LTAP1: variants seen among roughly 807,000 people sequenced by gnomAD.
LTAP1 encodes HCV NS5A-transactivated protein 4.
At chr1:154,209,412 T>C in the LTAP1 span, among the ~76,000 whole-genome samples, 4,443 of 147,534 alleles carry the variant, frequency 0.03, 222 homozygotes, top group African/African-American at 0.1. Context: ...TTTTCATCAG[T>C]GCTCTAAGCA....
the LTAP1 span, chr1:154,220,426 A>C: frequency 6.2e-7 from 1 of 1,614,180 alleles, no homozygotes; most frequent in Admixed American, 1.7e-5. Flanking sequence ...TACCTCGCGC[A>C]GAATTGTTCG....
chr1:154,217,075 T>C, the LTAP1 span, among the ~76,000 whole-genome samples: 1 of 151,508 alleles, frequency 6.6e-6, no homozygotes, highest in Non-Finnish European at 1.5e-5. Flanking sequence ...GCCTCCTGAG[T>C]AGCTGGGATT....
At chr1:154,217,201 A>C in the LTAP1 span, among the ~76,000 whole-genome samples, 1 of 147,974 alleles carries the variant, frequency 6.8e-6, no homozygotes. Context: ...CACCTGCCTC[A>C]GCCTCCCAAA....
At chr1:154,219,865 G>A in the LTAP1 span, 4 of 1,613,626 alleles carry the variant, frequency 2.5e-6, no homozygotes, top group Non-Finnish European at 3.4e-6. Context: ...ACAGGGACAT[G>A]AGGTCCCCTT....
At chr1:154,214,538 C>A in the LTAP1 span, 1 of 1,613,816 alleles carries the variant, frequency 6.2e-7, no homozygotes, top group Non-Finnish European at 8.5e-7. Context: ...ATATCCTGAA[C>A]CCTGGAGAGT....
the LTAP1 span, among the ~76,000 whole-genome samples, chr1:154,216,900 C>T: frequency 1.3e-5 from 2 of 151,710 alleles, no homozygotes; most frequent in East Asian, 1.9e-4. Flanking sequence ...CAGCCTGCCT[C>T]GGCCTCCCAA....
chr1:154,211,432 G>A, the LTAP1 span, among the ~76,000 whole-genome samples: 1 of 144,350 alleles, frequency 6.9e-6, no homozygotes, highest in African/African-American at 2.6e-5. Context: ...TGCCTCCTGG[G>A]GTCAAGCGAT....
the LTAP1 span, chr1:154,212,647 A>G: frequency 2.5e-6 from 4 of 1,602,980 alleles, no homozygotes; most frequent in Non-Finnish European, 3.4e-6. Context: ...CAGCACAATG[A>G]TATCTCTTCT....
At chr1:154,217,208 C>CA in the LTAP1 span, among the ~76,000 whole-genome samples, 1 of 152,124 alleles carries the variant, frequency 6.6e-6, no homozygotes, top group Admixed American at 6.5e-5. Context: ...CTCAGCCTCC[C>CA]AAAGTGCTGG....
At chr1:154,219,316 G>A in the LTAP1 span, among the ~76,000 whole-genome samples, 1 of 152,182 alleles carries the variant, frequency 6.6e-6, no homozygotes, top group African/African-American at 2.4e-5. Flanking sequence ...GTCACCTAAG[G>A]AGAAAGTACA....
At chr1:154,212,457 C>T in the LTAP1 span, 3 of 1,614,068 alleles carry the variant, frequency 1.9e-6, no homozygotes, top group South Asian at 2.2e-5. Flanking sequence ...AACTGGCTTA[C>T]CCCTGTCCCA....
chr1:154,208,097 CAA>C, the LTAP1 span, among the ~76,000 whole-genome samples: 6 of 134,932 alleles, frequency 4.4e-5, no homozygotes, highest in Non-Finnish European at 1.6e-5. Flanking sequence ...GACTCCATCT[CAA>C]AAAAAAAAAA....
chr1:154,207,761 C>G, the LTAP1 span: 2 of 901,918 alleles, frequency 2.2e-6, no homozygotes, highest in Non-Finnish European at 3.4e-6. Flanking sequence ...TGTGTCCTAT[C>G]TGTCCTATTT....
the LTAP1 span, among the ~76,000 whole-genome samples, chr1:154,207,893 G>A: frequency 6.6e-6 from 1 of 152,130 alleles, no homozygotes; most frequent in Non-Finnish European, 1.5e-5. Flanking sequence ...TTGAGGTCAG[G>A]AGTTCGAGAC....
the LTAP1 span, among the ~76,000 whole-genome samples, chr1:154,210,624 C>T: frequency 3.9e-5 from 6 of 152,132 alleles, no homozygotes; most frequent in African/African-American, 1.2e-4. Context: ...ATTACAGGTG[C>T]GCACATCATC....
the LTAP1 span, among the ~76,000 whole-genome samples, chr1:154,211,247 C>A: frequency 5.9e-5 from 9 of 151,712 alleles, no homozygotes; most frequent in East Asian, 1.4e-3. Context: ...TTGTGATCCA[C>A]CCTCCTCGGC....
At chr1:154,211,372 C>T in the LTAP1 span, among the ~76,000 whole-genome samples, 2 of 95,456 alleles carry the variant, frequency 2.1e-5, no homozygotes, top group African/African-American at 8.4e-5. Flanking sequence ...GAGTCTTGCT[C>T]TGTCACCAGG....
the LTAP1 span, among the ~76,000 whole-genome samples, chr1:154,218,384 A>T: frequency 6.6e-6 from 1 of 152,246 alleles, no homozygotes; most frequent in Admixed American, 6.5e-5. Context: ...AACTAGACCA[A>T]GGGACCCCTG....
chr1:154,218,549 T>C, the LTAP1 span, among the ~76,000 whole-genome samples: 1 of 152,366 alleles, frequency 6.6e-6, no homozygotes, highest in South Asian at 2.1e-4. Flanking sequence ...GGAAGGTTAA[T>C]AGCACTTGTT....
Sources: gnomAD v4.1 joint callset for allele counts (sites outside exome capture counted in the v4.1 genomes callset) on GRCh38, gnomAD v4.1.1 for gene constraint, MANE v1.5 for transcripts, NCBI Gene and HGNC (gene_info 2026-07-23, HGNC 2026-07-21) for gene names.